Variants in ASXL3 observed in about 807,000 individuals in gnomAD.
ASXL3 encodes the protein putative Polycomb group protein ASXL3.
In ASXL3, 34 loss-of-function variants were observed where a neutral mutation model predicts 170.6. The observed-to-expected ratio is 0.20, with a 90% CI of 0.15 to 0.27. ASXL3 has a LOEUF of 0.27. ASXL3 is among the 10% of genes least tolerant of loss of function. The probability of loss-of-function intolerance (pLI) is 1.00; values close to 1 mark genes in which losing one functional copy is unlikely to be tolerated. For synonymous variants in ASXL3, 1,002 were observed against 989.1 expected (o/e 1.01, Z -0.24); for missense variants, 2,592 against 2,695.3 (o/e 0.96, Z 0.85).
intron 1 of ASXL3, among the ~76,000 whole-genome samples, chr18:33,580,470 C>T (rs1402890662): frequency 2.0e-5 from 3 of 152,186 alleles, no homozygotes; most frequent in African/African-American, 7.2e-5. Flanking sequence ...AGCAAGTGAA[C>T]AATGAGTTGA....
At chr18:33,692,711 A>T (rs77233966) in intron 8 of ASXL3, among the ~76,000 whole-genome samples, 3,416 of 152,250 alleles carry the variant, frequency 0.022, 134 homozygotes, top group African/African-American at 0.079. Context: ...TGCCTAGCAC[A>T]TAGTAGGTGC....
At chr18:33,630,967 A>G (rs1422413250) in intron 2 of ASXL3, among the ~76,000 whole-genome samples, 2 of 152,160 alleles carry the variant, frequency 1.3e-5, no homozygotes, top group African/African-American at 4.8e-5. Context: ...AGTCATACCA[A>G]TAGAAAAAAA....
chr18:33,653,743 G>A (rs935607439), intron 4 of ASXL3, among the ~76,000 whole-genome samples: 2 of 151,984 alleles, frequency 1.3e-5, no homozygotes, highest in Admixed American at 6.6e-5. Context: ...TATATGATCC[G>A]GGGGATAGAA....
chr18:33,626,632 A>C (rs980175367), intron 2 of ASXL3: 2 of 151,554 alleles, frequency 1.3e-5, no homozygotes, highest in African/African-American at 4.9e-5. Flanking sequence ...AGGACAAACT[A>C]TTTTCCATTT....
chr18:33,725,392 A>T (rs954694497), intron 8 of ASXL3, among the ~76,000 whole-genome samples: 2 of 152,076 alleles, frequency 1.3e-5, no homozygotes, highest in African/African-American at 4.8e-5. Flanking sequence ...CCTTACACCT[A>T]TCAATATGAT....
Position 33,646,332 on chromosome 18 carries a change from G to A in ASXL3, c.334G>A (p.Ala112Thr). 1.2e-6 allele frequency: 2 copies of A among 1,609,552 alleles called. No individual in the cohort carries two copies. The highest frequency in any genetic ancestry group is 1.7e-4 in the Middle Eastern group (1 of 6,032). Residue 112 changes from alanine (A) to threonine (T), a missense_variant, in exon 4 of 12, where the codon GCC becomes ACC. By Grantham distance (58) the Ala-to-Thr change is moderately conservative. Coordinates refer to ENST00000269197, the MANE Select transcript of ASXL3 (RefSeq NM_030632.3). ...TGGTACAGATATGGCCGAGGCAAAT[G>A]CCCATGGAGAAGAAAATGGAGGTAA... The part of the protein sequence containing the change: ...LDGTDMAEAN[A>T]HGEENGVCSK...
intron 8 of ASXL3, among the ~76,000 whole-genome samples, chr18:33,707,014 C>G (rs375210827): frequency 1.3e-5 from 2 of 151,676 alleles, no homozygotes; most frequent in African/African-American, 4.8e-5. Flanking sequence ...TTCTTCCCCC[C>G]ACCCCCACAG....
At chr18:33,715,268 G>A (rs1031745369) in intron 8 of ASXL3, among the ~76,000 whole-genome samples, 2 of 152,046 alleles carry the variant, frequency 1.3e-5, no homozygotes, top group Non-Finnish European at 2.9e-5. Context: ...CTGTTCCTTC[G>A]AGAATCTTGT....
chr18:33,715,636 CAAT>C (rs1445313137), intron 8 of ASXL3, among the ~76,000 whole-genome samples: 1 of 152,078 alleles, frequency 6.6e-6, no homozygotes, highest in Non-Finnish European at 1.5e-5. Flanking sequence ...TTGTTACTAA[CAAT>C]AACGTTTCTA....
chr18:33,739,332 C>A lies in ASXL3; in HGVS notation c.1928C>A (p.Ala643Asp). 6.2e-7 allele frequency: 1 copy of A among 1,613,464 alleles called. No homozygotes were observed. The highest frequency in any genetic ancestry group is 8.5e-7 in the Non-Finnish European group (1 of 1,179,626). The change falls in exon 11 of 12, where the codon GCC becomes GAC. Residue 643 changes from alanine (A) to aspartate (D), a missense_variant. Transcript: ENST00000269197. ...QSTSEESCTP[A>D]SLETTFCSEV... ...ACATCAGAAGAATCATGTACTCCAG[C>A]CTCCCTTGAGACAACATTTTGTTCT...
chr18:33,743,714 A>G lies in ASXL3; in HGVS notation c.3866A>G (p.Asp1289Gly). The change falls in exon 12 of 12, where the codon GAC becomes GGC. Residue 1289 changes from aspartate (D) to glycine (G), a missense_variant. Around this residue, in one of 4 missense-constraint regions of ASXL3, gnomAD observed 2,246 missense variants for 2,219.6 expected, o/e 1.01. Coordinates refer to ENST00000269197, the MANE Select transcript of ASXL3 (RefSeq NM_030632.3). ...ATGTTAAAAACCATCCAGGGAACTG[A>G]CACTCCATGCATAGCCATTATACCA... is the stretch of plus-strand genomic sequence containing the variant. The part of the protein sequence containing the change: ...ISMLKTIQGT[D>G]TPCIAIIPKC... 1 of 1,613,912 alleles carries G rather than the reference A, an allele frequency of 6.2e-7. No homozygotes were observed. The highest frequency in any genetic ancestry group is 8.5e-7 in the Non-Finnish European group (1 of 1,179,898).
intron 4 of ASXL3, among the ~76,000 whole-genome samples, chr18:33,658,671 G>T (rs2066121247): frequency 6.6e-6 from 1 of 151,906 alleles, no homozygotes; most frequent in Admixed American, 6.6e-5. Context: ...TATAGTTATT[G>T]TGTCAGTAAA....
intron 1 of ASXL3, among the ~76,000 whole-genome samples, chr18:33,604,702 G>A (rs138258228): frequency 7.2e-5 from 11 of 152,072 alleles, no homozygotes; most frequent in African/African-American, 2.6e-4. Context: ...GGGGGTCCAA[G>A]CTCTCTCATC....
At chr18:33,728,240 G>A (rs1428182671) in intron 8 of ASXL3, among the ~76,000 whole-genome samples, 1 of 152,064 alleles carries the variant, frequency 6.6e-6, no homozygotes, top group Admixed American at 6.6e-5. Flanking sequence ...GACTATAAAA[G>A]TTTATAAGAC....
At chr18:33,650,761 A>G (rs1335068000) in intron 4 of ASXL3, among the ~76,000 whole-genome samples, 1 of 152,150 alleles carries the variant, frequency 6.6e-6, no homozygotes. Context: ...GCATTCGGGA[A>G]ATTACTTTGG....
chr18:33,731,831 C>T, intron 8 of ASXL3, 137 bp from the exon 9 acceptor site: 2 of 612,398 alleles, frequency 3.3e-6, no homozygotes, highest in Non-Finnish European at 5.8e-6. Flanking sequence ...CTCCCTTCTC[C>T]TTTCTCTGTC....
Position 33,746,683 on chromosome 18 carries a change from T to A in ASXL3, c.*88T>A. ...ACAAATAGAATAATGCAGTGGTTTC[T>A]ATCATGCTAATTTATTTTGCTTTGG... On this transcript the variant is annotated 3_prime_UTR_variant, in exon 12 of 12. Coordinates refer to ENST00000269197, the MANE Select transcript of ASXL3 (RefSeq NM_030632.3). 2 of 1,478,244 alleles carry A rather than the reference T, an allele frequency of 1.4e-6. No individual in the cohort carries two copies. The highest frequency in any genetic ancestry group is 3.0e-5 in the South Asian group (2 of 67,268). 91.6% of individuals were successfully genotyped at this position (1,478,244 alleles called of 1,614,324 possible).
At chr18:33,670,129 C>T (rs2066316568) in intron 5 of ASXL3, among the ~76,000 whole-genome samples, 1 of 152,138 alleles carries the variant, frequency 6.6e-6, no homozygotes, top group Admixed American at 6.5e-5. Flanking sequence ...TGATTCCCTT[C>T]ACAGAAATAA....
chr18:33,622,390 C>T (rs919570470), intron 2 of ASXL3, among the ~76,000 whole-genome samples: 2 of 152,078 alleles, frequency 1.3e-5, no homozygotes, highest in Non-Finnish European at 2.9e-5. Context: ...TTATTAAACC[C>T]TTTGCATTTA....
Sources: allele counts gnomAD v4.1 joint callset (sites outside exome capture counted in the v4.1 genomes callset), GRCh38; gene constraint gnomAD v4.1.1; regional missense constraint gnomAD v4.1.1; transcripts MANE v1.5; gene names NCBI Gene and HGNC (gene_info 2026-07-23, HGNC 2026-07-21).